GABRA3: variants seen among roughly 807,000 people sequenced by gnomAD.
GABRA3 encodes gamma-aminobutyric acid type A receptor subunit alpha3, also known as gamma-aminobutyric acid receptor subunit alpha-3.
GABRA3 carries 10 observed loss-of-function variants against 30.1 expected under a neutral mutation model. That is an observed-to-expected ratio of 0.33 (90% CI 0.20 to 0.56). GABRA3 has a LOEUF of 0.56. Ranked by LOEUF, GABRA3 falls within the 20% of genes least tolerant of loss-of-function variation. The pLI is 0.89. For synonymous variants in GABRA3, 151 were observed against 146.8 expected (o/e 1.03, Z -0.21); for missense variants, 233 against 392.0 (o/e 0.59, Z 3.42).
chrX:152,259,510 G>A (rs969351087), intron 4 of GABRA3, among the ~76,000 whole-genome samples: 3 of 111,368 alleles, frequency 2.7e-5, no homozygotes, highest in African/African-American at 6.5e-5. Context: ...GGAAGAGTAG[G>A]GAAGATTTTG....
intron 4 of GABRA3, among the ~76,000 whole-genome samples, chrX:152,281,078 G>T (rs765536293): frequency 9.0e-6 from 1 of 110,825 alleles, no homozygotes; most frequent in South Asian, 3.9e-4. Flanking sequence ...TGGAAGCTAG[G>T]TCAGAAGGGA....
intron 9 of GABRA3, among the ~76,000 whole-genome samples, chrX:152,188,181 C>A (rs1202816377): frequency 9.0e-6 from 1 of 110,844 alleles, no homozygotes; most frequent in African/African-American, 3.3e-5. Flanking sequence ...AGCATACAGC[C>A]AACCCCCATG....
chrX:152,234,044 T>G (rs1340896745), intron 5 of GABRA3, among the ~76,000 whole-genome samples: 2 of 61,104 alleles, frequency 3.3e-5, no homozygotes, highest in Non-Finnish European at 5.7e-5. Flanking sequence ...TAGGGACTGT[T>G]GTGGGGTGGG....
At chrX:152,217,444 G>C (rs1937746630) in intron 6 of GABRA3, among the ~76,000 whole-genome samples, 2 of 111,252 alleles carry the variant, frequency 1.8e-5, no homozygotes, top group Non-Finnish European at 3.8e-5. Flanking sequence ...CTTTGGTTTT[G>C]ATATCAGGGT....
At chrX:152,199,927 C>T (rs982377733) in intron 7 of GABRA3, among the ~76,000 whole-genome samples, 4 of 111,400 alleles carry the variant, frequency 3.6e-5, no homozygotes, top group Non-Finnish European at 5.7e-5. Context: ...AATTTGACCA[C>T]TTCTCACCAC....
At chrX:152,293,743 T>C (rs763003659) in intron 3 of GABRA3, among the ~76,000 whole-genome samples, 6 of 111,715 alleles carry the variant, frequency 5.4e-5, no homozygotes, top group Non-Finnish European at 9.4e-5. Context: ...CAATTTGTCA[T>C]GTTTTTGCAG....
At chrX:152,390,820 TAAGCACTTTAAAAAAACAA>T (rs1929461590) in intron 1 of GABRA3, among the ~76,000 whole-genome samples, 2 of 111,394 alleles carry the variant, frequency 1.8e-5, no homozygotes, top group African/African-American at 6.5e-5. Context: ...TACCAAGCAC[TAAGCACTTTAAAAAAACAA>T]GCATATGAGG....
At chrX:152,418,087 C>A (rs990397761) in intron 1 of GABRA3, among the ~76,000 whole-genome samples, 4 of 110,102 alleles carry the variant, frequency 3.6e-5, no homozygotes, top group Non-Finnish European at 7.6e-5. Context: ...TTAAATATGT[C>A]ATAACTGGAT....
intron 4 of GABRA3, among the ~76,000 whole-genome samples, chrX:152,264,711 T>C (rs1025359662): frequency 3.6e-5 from 4 of 110,748 alleles, no homozygotes; most frequent in African/African-American, 1.3e-4. Context: ...GGTGAATGGA[T>C]GAAAAAAGCA....
intron 5 of GABRA3, among the ~76,000 whole-genome samples, chrX:152,240,029 C>T (rs1235161494): frequency 3.2e-5 from 3 of 94,075 alleles, no homozygotes; most frequent in African/African-American, 4.4e-5. Flanking sequence ...GAATTTGATC[C>T]TGTCATTATG....
intron 1 of GABRA3, among the ~76,000 whole-genome samples, chrX:152,384,489 A>T (rs1207346546): frequency 1.8e-5 from 2 of 112,150 alleles, no homozygotes; most frequent in Non-Finnish European, 3.8e-5. Flanking sequence ...ATTTGTGACT[A>T]AAGTAGCACC....
At chrX:152,298,461 G>A (rs934879440) in intron 3 of GABRA3, among the ~76,000 whole-genome samples, 6 of 107,121 alleles carry the variant, frequency 5.6e-5, no homozygotes, top group Admixed American at 4.0e-4. Context: ...ACCTATGAGT[G>A]AGAACATGCG....
At chrX:152,369,490 G>A (rs746582653) in intron 1 of GABRA3, among the ~76,000 whole-genome samples, 3 of 111,328 alleles carry the variant, frequency 2.7e-5, no homozygotes, top group East Asian at 5.7e-4. Flanking sequence ...GGCCTCCTTC[G>A]CTGCTCATGA....
intron 6 of GABRA3, among the ~76,000 whole-genome samples, chrX:152,220,232 C>A (rs991613987): frequency 2.7e-5 from 3 of 111,585 alleles, no homozygotes; most frequent in Non-Finnish European, 5.7e-5. Context: ...GGAAATACAA[C>A]CAACGGCAAT....
chrX:152,262,371 T>C (rs556792149), intron 4 of GABRA3, among the ~76,000 whole-genome samples: 1 of 112,519 alleles, frequency 8.9e-6, no homozygotes, highest in South Asian at 3.7e-4. Context: ...TTCCATCACA[T>C]TGCCAGTGTG....
At chrX:152,323,280 A>T (rs1940000319) in intron 3 of GABRA3, among the ~76,000 whole-genome samples, 1 of 111,291 alleles carries the variant, frequency 9.0e-6, no homozygotes, top group South Asian at 3.8e-4. Context: ...TTGTTTGTTT[A>T]ATCTGTCTTA....
chrX:152,353,724 C>T (rs1940511138), intron 2 of GABRA3, among the ~76,000 whole-genome samples: 2 of 111,804 alleles, frequency 1.8e-5, no homozygotes, highest in Admixed American at 9.5e-5. Context: ...TGGCCATCAG[C>T]TCAAAGACTT....
intron 8 of GABRA3, among the ~76,000 whole-genome samples, chrX:152,196,734 C>T (rs186638489): frequency 8.9e-6 from 1 of 112,210 alleles, no homozygotes; most frequent in East Asian, 2.8e-4. Context: ...TCTTGAAATA[C>T]TCTCCTCACA....
intron 3 of GABRA3, among the ~76,000 whole-genome samples, chrX:152,322,727 T>A (rs183654534): frequency 9.2e-4 from 99 of 108,161 alleles, no homozygotes; most frequent in African/African-American, 3.2e-3. Flanking sequence ...AAAAATGGGG[T>A]TTCACCATGT....
Sources: allele counts gnomAD v4.1 joint callset (sites outside exome capture counted in the v4.1 genomes callset), GRCh38; gene constraint gnomAD v4.1.1; transcripts MANE v1.5; gene names NCBI Gene and HGNC (gene_info 2026-07-23, HGNC 2026-07-21).